The following FASTKD1 variants were observed in gnomAD, a reference collection of about 807,000 sequenced individuals.
FASTKD1 encodes the protein FAST kinase domain-containing protein 1, mitochondrial.
Under a neutral mutation model 90.9 loss-of-function variants are expected in FASTKD1, and 94 were observed. The observed-to-expected ratio is 1.03, with a 90% confidence interval of 0.88 to 1.23. FASTKD1 has a LOEUF of 1.23. FASTKD1 is among the 50% of genes most tolerant of loss of function. FASTKD1 has a pLI of 0.00. For synonymous variants in FASTKD1, 319 were observed against 345.8 expected, an observed-to-expected ratio of 0.92 and a Z score of 0.86; for missense variants, 945 against 993.5, an observed-to-expected ratio of 0.95 and a Z score of 0.66.
Position 169,571,858 on chromosome 2 carries a change from T to C in FASTKD1, c.172A>G (p.Arg58Gly). Reference protein sequence around the residue: ...DEEQMFGFIERNKAILSEKQV... With the variant: ...DEEQMFGFIEGNKAILSEKQV... ...TTTTCTGAAAGTATGGCTTTGTTTC[T>C]TTCAATAAAACCAAACATTTGCTCC... The change falls in exon 2 of 15, where the codon AGA becomes GGA. Residue 58 changes from arginine to glycine, a missense_variant. Physicochemically the swap from Arg to Gly is moderately radical, Grantham distance 125. Coordinates refer to ENST00000453153, the MANE Select transcript of FASTKD1 (RefSeq NM_024622.6). 2 of 1,614,108 alleles carry C rather than the reference T, an allele frequency of 1.2e-6. No individual in the cohort carries two copies. The highest frequency in any genetic ancestry group is 1.7e-6 in the Non-Finnish European group (2 of 1,179,992).
rs888692142 is a variant in FASTKD1, at chr2:169,535,438, CTATTTATT to C, written c.2188+1781_2188+1788del. ...CTAGAGGGGCATACCACCATGCCTG[CTATTTATT>C]TATTTATTTATTTATTTATTATTTG... On this transcript the variant is annotated intron_variant, in intron 12 of 14. Coordinates refer to ENST00000453153, the MANE Select transcript of FASTKD1 (RefSeq NM_024622.6). Among the ~76,000 whole-genome samples the C allele has an allele frequency of 5.2e-5, 7 of 135,064 alleles. No individual in the cohort carries two copies. In the South Asian group the frequency reaches 1.0e-3, roughly 20 times the overall value. The allele number at this position is 135,064 out of a possible 152,430, so 88.6% of individuals were successfully genotyped here. A position where few individuals can be genotyped will look rare whatever the true frequency, so the allele number is the denominator to read the frequency against.
chr2:169,568,404 T>C (rs566788669), intron 3 of FASTKD1, among the ~76,000 whole-genome samples: 4 of 152,148 alleles, frequency 2.6e-5, no homozygotes, highest in Admixed American at 1.3e-4. Context: ...GCTGTGACTC[T>C]ATCTTATTTA....
intron 12 of FASTKD1, among the ~76,000 whole-genome samples, chr2:169,534,965 A>G (rs549765834): frequency 2.6e-5 from 4 of 151,410 alleles, no homozygotes; most frequent in African/African-American, 4.9e-5. Context: ...TATGTTAAGC[A>G]TGTCTCATGT....
chr2:169,563,157 C>A (rs1683784203), intron 4 of FASTKD1, 68 bp downstream of exon 4: 2 of 1,476,342 alleles, frequency 1.4e-6, no homozygotes, highest in South Asian at 2.4e-5. Context: ...AGTAGCAAAT[C>A]TGACTGCATC....
intron 12 of FASTKD1, among the ~76,000 whole-genome samples, chr2:169,532,899 A>C (rs1018188772): frequency 1.3e-5 from 2 of 152,206 alleles, no homozygotes; most frequent in African/African-American, 4.8e-5. Context: ...TGAGTTCATT[A>C]TAGTAGGCCA....
chr2:169,546,440 G>C lies in FASTKD1; in HGVS notation c.1479C>G (p.His493Gln). The C allele has an allele frequency of 2.5e-6, 4 of 1,614,170 alleles. No homozygotes were observed. The highest frequency in any genetic ancestry group is 3.4e-6 in the Non-Finnish European group (4 of 1,180,018). Residue 493 changes from histidine (H) to glutamine (Q), a missense_variant, in exon 8 of 15, where the codon CAC (histidine) becomes CAG (glutamine). His to Gln is a conservative substitution (Grantham distance 24, BLOSUM62 0). Transcript: ENST00000453153. ...LDHYGRQRLQHSNSLDLLRKE... is the reference protein window; with the variant it reads ...LDHYGRQRLQQSNSLDLLRKE... ...TCCGTAACAGATCCAAACTGTTGCT[G>C]TGTTGTAGTCTCTGACGACCATAGT...
intron 9 of FASTKD1, among the ~76,000 whole-genome samples, chr2:169,541,959 G>C (rs935728736): frequency 6.6e-6 from 1 of 151,954 alleles, no homozygotes; most frequent in Non-Finnish European, 1.5e-5. Context: ...TTCATCCTGG[G>C]ACTCTCTTCC....
At chr2:169,537,894 G>C (rs904194680) in intron 11 of FASTKD1, 119 bp downstream of exon 11, 2 of 805,902 alleles carry the variant, frequency 2.5e-6, no homozygotes, top group African/African-American at 3.5e-5. Flanking sequence ...ATATTAAACA[G>C]GTCATGGCAC....
At chr2:169,536,888 C>T (rs1420413051) in intron 12 of FASTKD1, 1 of 181,098 alleles carries the variant, frequency 5.5e-6, no homozygotes, top group East Asian at 1.7e-4. Flanking sequence ...AGTCATTTCC[C>T]TTATTTTCAC....
At chr2:169,565,432 T>C (rs1228779539) in intron 3 of FASTKD1, among the ~76,000 whole-genome samples, 1 of 151,120 alleles carries the variant, frequency 6.6e-6, no homozygotes. Context: ...CCGGCTAACT[T>C]TTTGTATTTT....
chr2:169,540,608 T>C (rs568360919), intron 9 of FASTKD1, among the ~76,000 whole-genome samples: 60 of 152,234 alleles, frequency 3.9e-4, no homozygotes, highest in Non-Finnish European at 7.5e-4. Context: ...GTGTTCAGAA[T>C]ATGTTACATA....
In FASTKD1 at chr2:169,560,481, G is replaced by C; in HGVS notation, c.877C>G (p.Leu293Val). ...FEFIIMAKKKLTEMIPLCNHP... is the reference protein window; with the variant it reads ...FEFIIMAKKKVTEMIPLCNHP... ...TTACACAGAGGAATCATTTCAGTTA[G>C]CTTCTTTTTAGCCATTATAATAAAT... The change falls in exon 5 of 15, where the codon CTA (leucine) becomes GTA (valine). Residue 293 changes from leucine to valine, a missense_variant. Physicochemically the swap from Leu to Val is conservative, Grantham distance 32 (BLOSUM62 1). Coordinates refer to ENST00000453153, the MANE Select transcript of FASTKD1 (RefSeq NM_024622.6). The C allele has an allele frequency of 6.2e-7, 1 of 1,602,268 alleles. No homozygotes were observed. The highest frequency in any genetic ancestry group is 8.5e-7 in the Non-Finnish European group (1 of 1,175,262).
chr2:169,572,417 A>G (rs1046456452), intron 1 of FASTKD1, among the ~76,000 whole-genome samples: 73 of 152,136 alleles, frequency 4.8e-4, no homozygotes, highest in African/African-American at 1.6e-3. Context: ...AAAAGGAAAA[A>G]AAAAGCCCAC....
chr2:169,539,785 G>A (rs1052866331), intron 10 of FASTKD1, among the ~76,000 whole-genome samples: 1 of 151,906 alleles, frequency 6.6e-6, no homozygotes, highest in Admixed American at 6.6e-5. Flanking sequence ...AAAAAACACA[G>A]ATATATAATC....
intron 7 of FASTKD1, among the ~76,000 whole-genome samples, chr2:169,551,359 C>T (rs1685481674): frequency 6.6e-6 from 1 of 151,820 alleles, no homozygotes; most frequent in African/African-American, 2.4e-5. Context: ...CTGATAATAA[C>T]CAAAAACTGG....
At chr2:169,560,995 T>G (rs964637964) in intron 4 of FASTKD1, among the ~76,000 whole-genome samples, 3 of 150,200 alleles carry the variant, frequency 2.0e-5, no homozygotes, top group African/African-American at 4.9e-5. Context: ...ATAAGTGTAT[T>G]TTTTTTAAAA....
intron 3 of FASTKD1, 66 bp from the exon 4 acceptor site, chr2:169,563,416 G>T: frequency 8.8e-7 from 1 of 1,137,828 alleles, no homozygotes; most frequent in South Asian, 2.2e-5. Flanking sequence ...ATAATATATA[G>T]TTATAAAATT....
intron 7 of FASTKD1, among the ~76,000 whole-genome samples, chr2:169,554,872 T>C (rs750974362): frequency 2.6e-5 from 4 of 152,192 alleles, no homozygotes; most frequent in Non-Finnish European, 4.4e-5. Flanking sequence ...AGAATGGCTT[T>C]GCTATTCATC....
intron 8 of FASTKD1, 66 bp downstream of exon 8, chr2:169,546,152 T>C: frequency 6.9e-7 from 1 of 1,449,246 alleles, no homozygotes; most frequent in Non-Finnish European, 9.2e-7. Context: ...AAAGTGCCTA[T>C]GATAAAAATT....
Sources: gnomAD v4.1 joint callset for allele counts (sites outside exome capture counted in the v4.1 genomes callset) on GRCh38, gnomAD v4.1.1 for gene constraint, MANE v1.5 for transcripts, NCBI Gene and HGNC (gene_info 2026-07-23, HGNC 2026-07-21) for gene names.